ZFP41: variants seen among roughly 807,000 people sequenced by gnomAD.
ZFP41 encodes the protein zinc finger protein 41 homolog.
Under a neutral mutation model 11.6 loss-of-function variants are expected in ZFP41, and 10 were observed. The observed-to-expected ratio is 0.86, with a 90% CI of 0.53 to 1.47. The LOEUF is 1.47. Among genes scored for constraint, ZFP41 ranks in the 40% most tolerant of loss-of-function variants. The pLI, the probability that ZFP41 is intolerant of heterozygous loss-of-function variation, is 0.00. For missense variants in ZFP41, 302 were observed against 264.6 expected (o/e 1.14, Z -0.98); for synonymous variants, 123 against 100.9 (o/e 1.22, Z -1.31).
At chr8:143,255,322 C>A (rs1017968921) in intron 2 of ZFP41, among the ~76,000 whole-genome samples, 1 of 152,234 alleles carries the variant, frequency 6.6e-6, no homozygotes, top group East Asian at 1.9e-4. Flanking sequence ...TTGCCAAGAA[C>A]AAGAACCGTA....
chr8:143,250,403 TC>T lies in ZFP41; in HGVS notation c.562del (p.Arg188AlafsTer86). ...GKAFAYSSCLIRHQKRHPRKK... is the reference protein window; with the variant it reads ...GKAFAYSSCLXRHQKRHPRKK... ...GCCTTTGCCTACAGCTCCTGTCTCA[TC>T]CGCCATCAGAAACGCCACCCTCGGA... On this transcript the variant is annotated frameshift_variant, in exon 2 of 3. Transcript: ENST00000330701. LOFTEE classifies it high-confidence loss of function. 2 of 1,612,420 alleles carry T rather than the reference TC, an allele frequency of 1.2e-6. No homozygotes were observed. Among genetic ancestry groups the T allele is most frequent in the Non-Finnish European group, 8.5e-7 (1 of 1,178,898 alleles).
rs1462830883 is a variant in ZFP41, at chr8:143,262,450, T to TA, written c.*3578dup. 2.6e-5 allele frequency: 4 copies of TA among 152,438 alleles called. No individual in the cohort carries two copies. Among genetic ancestry groups the TA allele is most frequent in the African/African-American group, 9.6e-5 (4 of 41,468 alleles). 9.4% of individuals were successfully genotyped at this position (152,438 alleles called of 1,614,324 possible). A position where few individuals can be genotyped will look rare whatever the true frequency, so the allele number is the denominator to read the frequency against. ...AGTTACTTTCTGTTGTCCAAAAGTT[T>TA]AACTGTCCTGCCAGCCAAAGCTGCT... On this transcript the variant is annotated 3_prime_UTR_variant, in exon 3 of 3. Coordinates refer to ENST00000330701, the MANE Select transcript of ZFP41 (RefSeq NM_173832.6).
chr8:143,247,906 A>G (rs888144176), intron 1 of ZFP41, among the ~76,000 whole-genome samples: 6 of 152,080 alleles, frequency 3.9e-5, no homozygotes, highest in Non-Finnish European at 5.9e-5. Flanking sequence ...TGCAACTTCT[A>G]TCTCCTGGGT....
chr8:143,250,703 T>G lies in ZFP41; in HGVS notation c.*263T>G, dbSNP rs1814721353. On this transcript the variant is annotated 3_prime_UTR_variant, in exon 2 of 3. Coordinates refer to ENST00000330701, the MANE Select transcript of ZFP41 (RefSeq NM_173832.6). The stretch of plus-strand genomic sequence containing the variant: ...GAGGCTCCTTGCAGCCACAGAGCAT[T>G]TTCCAAGTTCCCGATGGCGAACGGG... 3.5e-6 allele frequency: 2 copies of G among 566,964 alleles called. No homozygotes were observed. Among genetic ancestry groups the G allele is most frequent in the Non-Finnish European group, 6.3e-6 (2 of 318,884 alleles). 35.1% of individuals were successfully genotyped at this position (566,964 alleles called of 1,614,324 possible).
In ZFP41 at chr8:143,259,100, C is replaced by A. The variant is rs941317427; in HGVS notation, c.*901-675C>A. Among the ~76,000 whole-genome samples the A allele has an allele frequency of 2.0e-5, 3 of 152,370 alleles. No individual in the cohort carries two copies. The South Asian group carries it at 6.2e-4, about 32-fold the overall frequency. On this transcript the variant is annotated intron_variant, in intron 2 of 2. Transcript: ENST00000330701. Reference sequence around the variant, plus strand: ...AGGAAAGCCGGAAAGAACCCAAATGCCTGTCGGTAGCGAAGCGGGTAAATC... The same window carrying A: ...AGGAAAGCCGGAAAGAACCCAAATGACTGTCGGTAGCGAAGCGGGTAAATC...
intron 2 of ZFP41, among the ~76,000 whole-genome samples, chr8:143,254,993 G>A (rs1363714621): frequency 5.9e-5 from 9 of 152,142 alleles, no homozygotes; most frequent in Admixed American, 5.9e-4. Context: ...TCCATATTTA[G>A]GGCCAATAGG....
At position 143,258,213 on chromosome 8, in the gene ZFP41, C is replaced by T. The variant is rs950034830; in HGVS notation, c.*901-1562C>T. 5.3e-5 allele frequency among the ~76,000 whole-genome samples: 8 copies of T among 151,742 alleles called. 1 individual carries two copies. The highest frequency in any genetic ancestry group is 4.2e-4 in the South Asian group (2 of 4,814). ...GCGTGCGCCTGTGGTCCCATATACT[C>T]GGGAGGCTAAGGTAGGAGGATCAGT... On this transcript the variant is annotated intron_variant, in intron 2 of 2. Coordinates refer to ENST00000330701, the MANE Select transcript of ZFP41 (RefSeq NM_173832.6).
In ZFP41 at chr8:143,252,672, G is replaced by A. The variant is rs140758106; in HGVS notation, c.*900+1332G>A. ...GGTAGGTGGCAAGTCCCGTGGTGTCGTGTACCTGCCTCTGTGATGACTGTG... is the reference window on the plus strand; with the variant it reads ...GGTAGGTGGCAAGTCCCGTGGTGTCATGTACCTGCCTCTGTGATGACTGTG... On this transcript the variant is annotated intron_variant, in intron 2 of 2. Transcript: ENST00000330701. 1.2e-4 allele frequency: 119 copies of A among 978,736 alleles called. No homozygotes were observed. The African/African-American group carries it at 1.3e-3, about 11-fold the overall frequency. The allele number at this position is 978,736 out of a possible 1,614,324, so 60.6% of individuals were successfully genotyped here.
intron 2 of ZFP41, among the ~76,000 whole-genome samples, chr8:143,253,770 G>T (rs775368009): frequency 1.3e-5 from 2 of 152,148 alleles, no homozygotes; most frequent in Non-Finnish European, 2.9e-5. Flanking sequence ...GAATGGCTTG[G>T]TGCCCTCCTC....
At chr8:143,253,609 G>C (rs919321447) in intron 2 of ZFP41, 1 of 152,352 alleles carries the variant, frequency 6.6e-6, no homozygotes, top group African/African-American at 2.4e-5. Context: ...GGCCGGATTT[G>C]CTTGCCGATC....
chr8:143,252,609 T>C (rs950246337), intron 2 of ZFP41: 11 of 984,718 alleles, frequency 1.1e-5, no homozygotes, highest in Non-Finnish European at 1.3e-5. Context: ...AGCACGGCCT[T>C]CGTGGCTTCT....
At chr8:143,253,363 A>G (rs976763017) in intron 2 of ZFP41, 1 of 152,244 alleles carries the variant, frequency 6.6e-6, no homozygotes, top group Non-Finnish European at 1.5e-5. Context: ...ACAGGTGGGC[A>G]CGCTTCTCCG....
At chr8:143,257,877 T>G (rs570299787) in intron 2 of ZFP41, among the ~76,000 whole-genome samples, 1 of 152,354 alleles carries the variant, frequency 6.6e-6, no homozygotes, top group South Asian at 2.1e-4. Flanking sequence ...CAAGTCCAGG[T>G]GCTTTGCACG....
intron 2 of ZFP41, among the ~76,000 whole-genome samples, chr8:143,259,089 GAACCCA>G (rs1320984417): frequency 2.0e-5 from 3 of 152,232 alleles, no homozygotes; most frequent in Non-Finnish European, 4.4e-5. Context: ...AAGCCGGAAA[GAACCCA>G]AATGCCTGTC....
At position 143,253,885 on chromosome 8, in the gene ZFP41, C is replaced by T. The variant is rs528823216; in HGVS notation, c.*900+2545C>T. 9.9e-5 allele frequency among the ~76,000 whole-genome samples: 15 copies of T among 152,236 alleles called. No homozygotes were observed. The East Asian group carries it at 2.7e-3, about 27-fold the overall frequency. ...ACCTGGGACCAGTTTTTTCCGTGGA[C>T]AGGGAGTGGTGTGGATGGTTTGAGT... is the stretch of plus-strand genomic sequence containing the variant. On this transcript the variant is annotated intron_variant, in intron 2 of 2. Transcript: ENST00000330701.
intron 2 of ZFP41, among the ~76,000 whole-genome samples, chr8:143,251,623 G>T (rs892133374): frequency 5.3e-5 from 8 of 152,264 alleles, no homozygotes; most frequent in African/African-American, 1.9e-4. Flanking sequence ...CCCGATTCGA[G>T]CTGGAGATGG....
At chr8:143,255,391 G>A (rs1031221973) in intron 2 of ZFP41, among the ~76,000 whole-genome samples, 2 of 152,120 alleles carry the variant, frequency 1.3e-5, no homozygotes, top group Non-Finnish European at 2.9e-5. Flanking sequence ...GTGTCAGCTC[G>A]CCCCGTGTCT....
In ZFP41 at chr8:143,259,779, G is replaced by A. The variant is rs1399807583; in HGVS notation, c.*905G>A. On this transcript the variant is annotated 3_prime_UTR_variant, in exon 3 of 3. Transcript: ENST00000330701. Reference sequence around the variant, plus strand: ...GATATTTCTCATCCTTTTCAGGCTGGTAGAGCAGATCACCCCCAAAGCAAG... The same window carrying A: ...GATATTTCTCATCCTTTTCAGGCTGATAGAGCAGATCACCCCCAAAGCAAG... 6.6e-6 allele frequency: 1 copy of A among 152,244 alleles called. No individual in the cohort carries two copies. 9.4% of individuals were successfully genotyped at this position (152,244 alleles called of 1,614,324 possible).
Position 143,249,700 on chromosome 8 carries a change from A to T in ZFP41, c.-144A>T. 1.5e-6 allele frequency: 2 copies of T among 1,310,166 alleles called. No individual in the cohort carries two copies. The highest frequency in any genetic ancestry group is 2.0e-6 in the Non-Finnish European group (2 of 985,512). The allele number at this position is 1,310,166 out of a possible 1,614,324, so 81.2% of individuals were successfully genotyped here. A position where few individuals can be genotyped will look rare whatever the true frequency, so the allele number is the denominator to read the frequency against. ...CTTGCTTCTCCCCAGCACCAAGAGG[A>T]TGGTGGCCCTTGGCCTCCTGGTGCA... is the stretch of plus-strand genomic sequence containing the variant. On this transcript the variant is annotated 5_prime_UTR_variant, in exon 2 of 3. It removes an upstream start codon present in the reference 5' UTR. Transcript: ENST00000330701.
Sources: gnomAD v4.1 joint callset for allele counts (sites outside exome capture counted in the v4.1 genomes callset) on GRCh38, gnomAD v4.1.1 for gene constraint, MANE v1.5 for transcripts, NCBI Gene and HGNC (gene_info 2026-07-23, HGNC 2026-07-21) for gene names.